SCOC: variants seen among roughly 807,000 people sequenced by gnomAD.
SCOC encodes short coiled coil protein.
In SCOC, 7 loss-of-function variants were observed where a neutral mutation model predicts 9.9. That is an observed-to-expected ratio of 0.71 (90% CI 0.40 to 1.33). The LOEUF (loss-of-function observed/expected upper bound fraction) is 1.33. SCOC is among the 40% of genes most tolerant of loss of function. The pLI, the probability that SCOC is intolerant of heterozygous loss-of-function variation, is 0.01. For missense variants in SCOC, 66 were observed against 89.7 expected (o/e 0.74, Z 1.07); for synonymous variants, 19 against 28.2 (o/e 0.67, Z 1.03).
At chr4:140,318,009 C>T (rs1356420050) in intron 1 of SCOC, among the ~76,000 whole-genome samples, 1 of 151,512 alleles carries the variant, frequency 6.6e-6, no homozygotes, top group Non-Finnish European at 1.5e-5. Context: ...TCATCCATGT[C>T]CCTACAAAGG....
At chr4:140,364,963 T>C (rs1473441652) in intron 2 of SCOC, among the ~76,000 whole-genome samples, 2 of 152,094 alleles carry the variant, frequency 1.3e-5, no homozygotes, top group Non-Finnish European at 2.9e-5. Flanking sequence ...GTCAATGCCA[T>C]GGAAGAGAAT....
rs1447873843 is a variant in SCOC, at chr4:140,366,586, G to A, written c.71-12535G>A. On this transcript the variant is annotated intron_variant, in intron 2 of 4. Transcript: ENST00000338517. ...CCTTTCTCTGGCTTCAATCTTCTTG[G>A]CCCATCGTGTGGCTGCCCATTTTGT... 1.3e-5 allele frequency: 21 copies of A among 1,604,758 alleles called. No homozygotes were observed. In the South Asian group the frequency reaches 2.2e-4, roughly 17 times the overall value.
chr4:140,376,707 G>A (rs566246555), intron 1 of SCOC: 1 of 152,118 alleles, frequency 6.6e-6, no homozygotes, highest in South Asian at 2.1e-4. Flanking sequence ...CCATGCATAG[G>A]TTTTCTATTG....
At chr4:140,259,017 GT>G (rs1730571359) in intron 1 of SCOC, among the ~76,000 whole-genome samples, 2 of 152,234 alleles carry the variant, frequency 1.3e-5, no homozygotes, top group Admixed American at 1.3e-4. Flanking sequence ...CTCTCAACAA[GT>G]GGAATTGGAC....
At chr4:140,312,546 A>G (rs983916660) in intron 1 of SCOC, among the ~76,000 whole-genome samples, 1 of 152,140 alleles carries the variant, frequency 6.6e-6, no homozygotes, top group Non-Finnish European at 1.5e-5. Flanking sequence ...CTCCTACCTC[A>G]GTCTTGAGTA....
chr4:140,266,889 A>C (rs940987172), intron 1 of SCOC, among the ~76,000 whole-genome samples: 1 of 152,076 alleles, frequency 6.6e-6, no homozygotes, highest in Non-Finnish European at 1.5e-5. Context: ...TATTGAGGAG[A>C]TCTATAAAGT....
chr4:140,339,230 G>A (rs1460677439), upstream of SCOC, among the ~76,000 whole-genome samples: 3 of 151,488 alleles, frequency 2.0e-5, no homozygotes, highest in East Asian at 2.0e-4. Context: ...ATGGTGCTGG[G>A]AAAACTGGCT....
intron 2 of SCOC, among the ~76,000 whole-genome samples, chr4:140,363,072 C>G (rs964172820): frequency 4.6e-5 from 7 of 152,172 alleles, no homozygotes; most frequent in Admixed American, 4.6e-4. Context: ...AAAGATTCCC[C>G]AAACTCAATG....
At chr4:140,322,227 A>G (rs1732520604) in intron 1 of SCOC, among the ~76,000 whole-genome samples, 1 of 152,202 alleles carries the variant, frequency 6.6e-6, no homozygotes, top group Non-Finnish European at 1.5e-5. Context: ...TGTGGAAGCA[A>G]CTTTGTAACT....
intron 1 of SCOC, among the ~76,000 whole-genome samples, chr4:140,309,449 C>T (rs1345957025): frequency 6.6e-6 from 1 of 152,102 alleles, no homozygotes; most frequent in Non-Finnish European, 1.5e-5. Context: ...TTCTGCTGGG[C>T]CCCCTTCTAA....
intron 1 of SCOC, among the ~76,000 whole-genome samples, chr4:140,293,833 C>T (rs1195208512): frequency 6.6e-6 from 1 of 152,150 alleles, no homozygotes; most frequent in Non-Finnish European, 1.5e-5. Flanking sequence ...GTATAGGATT[C>T]ATGGAGGCAG....
At chr4:140,281,111 G>T (rs915274840) in intron 1 of SCOC, among the ~76,000 whole-genome samples, 6 of 152,144 alleles carry the variant, frequency 3.9e-5, no homozygotes, top group Non-Finnish European at 8.8e-5. Context: ...AGGAGAGAGA[G>T]TCTGTCCTGG....
chr4:140,380,424 T>C (rs189441824), intron 3 of SCOC, among the ~76,000 whole-genome samples: 89 of 152,062 alleles, frequency 5.9e-4, no homozygotes, highest in Admixed American at 5.8e-3. Context: ...GGTCTCAAAC[T>C]CCTGACCTCA....
At chr4:140,285,945 G>A (rs1731254684) in intron 1 of SCOC, among the ~76,000 whole-genome samples, 1 of 152,136 alleles carries the variant, frequency 6.6e-6, no homozygotes, top group South Asian at 2.1e-4. Flanking sequence ...AGCACTTTGG[G>A]TGGCTGAGGC....
rs534181673 is a variant in SCOC, at chr4:140,291,779, G to T, written c.-19+34369G>T. 2.3e-4 allele frequency among the ~76,000 whole-genome samples: 35 copies of T among 152,286 alleles called. No individual in the cohort carries two copies. The East Asian group carries it at 6.6e-3, about 29-fold the overall frequency. On this transcript the variant is annotated intron_variant, in intron 1 of 4. Coordinates refer to the SCOC transcript ENST00000394205. ...TTCTCAGCTCTATTGGGGGGGCTGT[G>T]ATAATACTGCAGGTCTCCAGGTATC...
chr4:140,362,488 T>G (rs1417368175), intron 2 of SCOC, among the ~76,000 whole-genome samples: 7 of 149,340 alleles, frequency 4.7e-5, no homozygotes, highest in Non-Finnish European at 7.4e-5. Context: ...ACAGACAGGG[T>G]TTCACTATAT....
At chr4:140,348,011 TA>T (rs1271710865) in intron 2 of SCOC, among the ~76,000 whole-genome samples, 2 of 152,208 alleles carry the variant, frequency 1.3e-5, no homozygotes, top group Non-Finnish European at 2.9e-5. Flanking sequence ...ATTTACTAAA[TA>T]CAAATAAAAA....
intron 1 of SCOC, among the ~76,000 whole-genome samples, chr4:140,332,273 C>A (rs534807873): frequency 6.7e-6 from 1 of 148,492 alleles, no homozygotes; most frequent in African/African-American, 2.5e-5. Context: ...TCTTAAGTTT[C>A]TCCTTCTATG....
chr4:140,326,652 C>G (rs557492552), intron 1 of SCOC, among the ~76,000 whole-genome samples: 5,273 of 143,740 alleles, frequency 0.037, 118 homozygotes, highest in Non-Finnish European at 0.055. Context: ...GACCCCCCCC[C>G]CTACACTGTT....
Sources: gnomAD v4.1 joint callset for allele counts (sites outside exome capture counted in the v4.1 genomes callset) on GRCh38, gnomAD v4.1.1 for gene constraint, MANE v1.5 for transcripts, NCBI Gene and HGNC (gene_info 2026-07-23, HGNC 2026-07-21) for gene names.